The following SLCO3A1 variants were observed in gnomAD, a reference collection of about 807,000 sequenced individuals.
SLCO3A1 encodes the protein PGE1 transporter.
In SLCO3A1, 27 loss-of-function variants were observed where a neutral mutation model predicts 63.1. That is an observed-to-expected ratio of 0.43 (90% CI 0.32 to 0.59). The LOEUF (loss-of-function observed/expected upper bound fraction) is 0.59. Among genes scored for constraint, SLCO3A1 ranks in the 20% least tolerant of loss-of-function variants. SLCO3A1 has a pLI of 0.09. For missense variants in SLCO3A1, 773 were observed against 945.8 expected, an observed-to-expected ratio of 0.82 and a Z score of 2.40; for synonymous variants, 473 against 409.9, an observed-to-expected ratio of 1.15 and a Z score of -1.86.
In SLCO3A1 at chr15:91,863,124, A is replaced by G. The variant is rs1897086611; in HGVS notation, c.180+9036A>G. Among the ~76,000 whole-genome samples the G allele has an allele frequency of 6.6e-6, 1 of 152,244 alleles. No individual in the cohort carries two copies. The highest frequency in any genetic ancestry group is 2.4e-5 in the African/African-American group (1 of 41,460). On this transcript the variant is annotated intron_variant, in intron 1 of 9. Transcript: ENST00000318445. The surrounding 1 kb of genome is among the most constrained non-coding windows in gnomAD (Gnocchi z 4.3). ...AAATTTCTAAGCAGCATGGACCCATATGTGTTTATTATGTAAGATTCAATT... is the reference window on the plus strand; with the variant it reads ...AAATTTCTAAGCAGCATGGACCCATGTGTGTTTATTATGTAAGATTCAATT...
intron 1 of SLCO3A1, among the ~76,000 whole-genome samples, chr15:91,895,178 G>A (rs947773463): frequency 3.3e-5 from 5 of 152,168 alleles, no homozygotes; most frequent in African/African-American, 4.8e-5. Flanking sequence ...GGGCGTGAAG[G>A]CAGTGTGACT....
chr15:92,070,421 T>A (rs930187438), intron 2 of SLCO3A1, among the ~76,000 whole-genome samples: 1 of 152,220 alleles, frequency 6.6e-6, no homozygotes, highest in African/African-American at 2.4e-5. Flanking sequence ...GGTGGGCAGA[T>A]CACCTGAGGT....
chr15:91,925,574 A>T (rs143659356), intron 2 of SLCO3A1, among the ~76,000 whole-genome samples: 2 of 151,748 alleles, frequency 1.3e-5, no homozygotes, highest in East Asian at 3.9e-4. Context: ...GGCATGGTCA[A>T]TTGTGACACA....
chr15:92,063,246 A>G (rs2047108310), intron 2 of SLCO3A1, among the ~76,000 whole-genome samples: 1 of 152,244 alleles, frequency 6.6e-6, no homozygotes. Context: ...AATGTGACAG[A>G]TGCTGATCGG....
In SLCO3A1 at chr15:91,948,033, A is replaced by T. The variant is rs1899870188; in HGVS notation, c.646+31575A>T. Among the ~76,000 whole-genome samples the T allele has an allele frequency of 6.6e-6, 1 of 152,154 alleles. No individual in the cohort carries two copies. The highest frequency in any genetic ancestry group is 2.4e-5 in the African/African-American group (1 of 41,432). On this transcript the variant is annotated intron_variant, in intron 2 of 9. Transcript: ENST00000318445. This position sits in a 1 kb window ranked among gnomAD's most constrained non-coding sequence, Gnocchi z 4.8. ...CTAGGTGTTCCAGCAGGGCCGTGGG[A>T]GCAGAAGCAGAATTCAGATGACAGA...
At chr15:91,903,419 C>T (rs1002772986) in intron 1 of SLCO3A1, among the ~76,000 whole-genome samples, 8 of 152,324 alleles carry the variant, frequency 5.3e-5, no homozygotes, top group Admixed American at 2.6e-4. Flanking sequence ...TTCAGAAGCT[C>T]TCTTGTTTCG....
At chr15:92,032,712 G>A (rs12899498) in intron 2 of SLCO3A1, among the ~76,000 whole-genome samples, 1 of 152,044 alleles carries the variant, frequency 6.6e-6, no homozygotes, top group Non-Finnish European at 1.5e-5. Flanking sequence ...ATCGAAGGCG[G>A]TTGCGATGCT....
intron 1 of SLCO3A1, among the ~76,000 whole-genome samples, chr15:91,880,555 C>T (rs1020697965): frequency 6.6e-6 from 1 of 152,096 alleles, no homozygotes; most frequent in Non-Finnish European, 1.5e-5. Flanking sequence ...CTATTCTGTT[C>T]TCCATCTCTC....
chr15:92,056,557 T>A (rs189172825), intron 2 of SLCO3A1, among the ~76,000 whole-genome samples: 84 of 152,362 alleles, frequency 5.5e-4, no homozygotes, highest in African/African-American at 2.0e-3. Flanking sequence ...ACTCATCTTA[T>A]TACTTCCTCC....
intron 2 of SLCO3A1, among the ~76,000 whole-genome samples, chr15:91,957,101 A>ACT (rs1567037587): frequency 0.016 from 14 of 860 alleles, no homozygotes; most frequent in Middle Eastern, 0.5. Context: ...TAATATATAT[A>ACT]ATATATATAT....
chr15:92,128,251 C>G (rs1400301927), intron 6 of SLCO3A1, 100 bp from the exon 7 acceptor site: 1 of 1,378,206 alleles, frequency 7.3e-7, no homozygotes, highest in East Asian at 2.3e-5. Flanking sequence ...AGCAGGGTAC[C>G]ACGCGACTCA....
intron 2 of SLCO3A1, among the ~76,000 whole-genome samples, chr15:92,073,374 G>A (rs2151516834): frequency 6.6e-6 from 1 of 152,302 alleles, no homozygotes; most frequent in East Asian, 1.9e-4. Context: ...AAACACTTCT[G>A]ACTTCACAGA....
chr15:92,164,707 T>C lies in SLCO3A1; in HGVS notation c.*1572T>C. ...GACATTTTCAGTGTTAGTCTTGAAC[T>C]AAGGCCCTTGTCTGTGTGTTTTGAA... is the stretch of plus-strand genomic sequence containing the variant. On this transcript the variant is annotated 3_prime_UTR_variant, in exon 10 of 10. Transcript: ENST00000318445. 1.0e-6 allele frequency: 1 copy of C among 985,436 alleles called. No homozygotes were observed. The highest frequency in any genetic ancestry group is 1.2e-6 in the Non-Finnish European group (1 of 829,920). The allele number at this position is 985,436 out of a possible 1,614,324, so 61.0% of individuals were successfully genotyped here. A position where few individuals can be genotyped will look rare whatever the true frequency, so the allele number is the denominator to read the frequency against.
In SLCO3A1 at chr15:91,855,939, G is replaced by T. The variant is rs577261974; in HGVS notation, c.180+1851G>T. Among the ~76,000 whole-genome samples, 3 of 152,176 alleles carry T rather than the reference G, an allele frequency of 2.0e-5. No homozygotes were observed. The East Asian group carries it at 5.8e-4, about 29-fold the overall frequency. On this transcript the variant is annotated intron_variant, in intron 1 of 9. Coordinates refer to ENST00000318445, the MANE Select transcript of SLCO3A1 (RefSeq NM_013272.4). Reference sequence around the variant, plus strand: ...CCGCAGAACTTTTCACCCCAGGAGTGATAAAAGCGTGGGCTTACTATTTTT... The same window carrying T: ...CCGCAGAACTTTTCACCCCAGGAGTTATAAAAGCGTGGGCTTACTATTTTT...
intron 2 of SLCO3A1, among the ~76,000 whole-genome samples, chr15:92,022,783 A>G (rs184338497): frequency 3.7e-4 from 57 of 152,342 alleles, no homozygotes; most frequent in Non-Finnish European, 7.1e-4. Context: ...TTCTTAAAAC[A>G]GTAGGTAACA....
chr15:91,957,911 A>G (rs995816431), intron 2 of SLCO3A1, among the ~76,000 whole-genome samples: 24 of 152,288 alleles, frequency 1.6e-4, no homozygotes, highest in African/African-American at 5.8e-4. Flanking sequence ...CTGGCACATA[A>G]CAGGTACTCA....
chr15:92,113,937 C>T (rs1048865509), intron 4 of SLCO3A1, among the ~76,000 whole-genome samples: 7 of 152,184 alleles, frequency 4.6e-5, no homozygotes, highest in African/African-American at 7.2e-5. Context: ...GGCCACAGCC[C>T]GGGAATTTTG....
At chr15:92,106,015 CCT>C (rs2047663470) in intron 4 of SLCO3A1, among the ~76,000 whole-genome samples, 1 of 152,208 alleles carries the variant, frequency 6.6e-6, no homozygotes, top group Non-Finnish European at 1.5e-5. Context: ...TTAACTGCCC[CCT>C]GCTTCTTTTC....
chr15:92,061,787 C>A (rs1377651892), intron 2 of SLCO3A1, among the ~76,000 whole-genome samples: 1 of 148,954 alleles, frequency 6.7e-6, no homozygotes, highest in Non-Finnish European at 1.5e-5. Flanking sequence ...CTAGGCAACC[C>A]ATCACCCTGT....
Sources: allele counts gnomAD v4.1 joint callset (sites outside exome capture counted in the v4.1 genomes callset), GRCh38; gene constraint gnomAD v4.1.1; non-coding constraint Gnocchi (gnomAD v3.1); transcripts MANE v1.5; gene names NCBI Gene and HGNC (gene_info 2026-07-23, HGNC 2026-07-21).